The following PHB1 variants were observed in gnomAD, a reference collection of about 807,000 sequenced individuals.
PHB1 encodes the protein epididymis luminal protein 215.
At chr17:49,412,561 G>A in the PHB1 span, 2 of 152,686 alleles carry the variant, frequency 1.3e-5, no homozygotes, top group African/African-American at 4.8e-5. Context: ...TTTGCAGCAT[G>A]TGAAAGTGTC....
chr17:49,404,923 G>C, the PHB1 span: 1 of 1,037,294 alleles, frequency 9.6e-7, no homozygotes, highest in African/African-American at 1.6e-5. Flanking sequence ...GGAGCAGAAG[G>C]AAGGCTGTGT....
the PHB1 span, chr17:49,406,943 C>T: frequency 1.1e-6 from 1 of 881,290 alleles, no homozygotes; most frequent in Non-Finnish European, 1.9e-6. Flanking sequence ...GAAGAAGAGG[C>T]CAGCAATGGC....
At chr17:49,410,292 G>A in the PHB1 span, among the ~76,000 whole-genome samples, 24 of 152,204 alleles carry the variant, frequency 1.6e-4, no homozygotes, top group East Asian at 3.9e-3. Context: ...TAGCTGACAC[G>A]CACCACTGTG....
At chr17:49,410,992 A>C in the PHB1 span, among the ~76,000 whole-genome samples, 1 of 152,168 alleles carries the variant, frequency 6.6e-6, no homozygotes, top group African/African-American at 2.4e-5. Context: ...CGGCTTGCTT[A>C]CAGATGTCAA....
chr17:49,404,825 G>T, the PHB1 span: 1 of 607,794 alleles, frequency 1.6e-6, no homozygotes, highest in Non-Finnish European at 2.9e-6. Context: ...AGTTTCATTT[G>T]ATAGACTAAT....
At chr17:49,413,514 T>C in the PHB1 span, among the ~76,000 whole-genome samples, 1 of 147,992 alleles carries the variant, frequency 6.8e-6, no homozygotes, top group African/African-American at 2.5e-5. Context: ...TTTCTTTCCT[T>C]TTTTTTTTTT....
the PHB1 span, chr17:49,404,288 A>C: frequency 6.5e-6 from 1 of 152,704 alleles, no homozygotes; most frequent in Non-Finnish European, 1.5e-5. Flanking sequence ...AGTCTTCAAC[A>C]GGACTCACAT....
At chr17:49,414,151 G>A in the PHB1 span, 1 of 152,198 alleles carries the variant, frequency 6.6e-6, no homozygotes, top group Non-Finnish European at 1.5e-5. Flanking sequence ...GAGGCACACA[G>A]AGAGGTTACA....
chr17:49,412,137 A>G, the PHB1 span: 2 of 282,634 alleles, frequency 7.1e-6, no homozygotes, highest in African/African-American at 4.3e-5. Flanking sequence ...ACTCCCACCA[A>G]CATATTTCCA....
At chr17:49,411,304 A>G in the PHB1 span, among the ~76,000 whole-genome samples, 1 of 150,894 alleles carries the variant, frequency 6.6e-6, no homozygotes, top group African/African-American at 2.4e-5. Context: ...AGGCTCAAGC[A>G]ATTCTCCTGC....
At chr17:49,404,951 G>A in the PHB1 span, 1 of 1,343,854 alleles carries the variant, frequency 7.4e-7, no homozygotes. Context: ...CATCGGGGCT[G>A]TGGCCCAGTC....
At chr17:49,408,712 T>C in the PHB1 span, 1 of 227,478 alleles carries the variant, frequency 4.4e-6, no homozygotes, top group Admixed American at 5.1e-5. Flanking sequence ...CTCTGGTCTC[T>C]ACCAGGCAGT....
the PHB1 span, chr17:49,406,859 G>C: frequency 1.2e-6 from 2 of 1,605,988 alleles, no homozygotes; most frequent in Middle Eastern, 3.3e-4. Flanking sequence ...ATGTGTCTAA[G>C]GGGAGAGAGT....
the PHB1 span, among the ~76,000 whole-genome samples, chr17:49,405,814 TAAGG>T: frequency 6.6e-6 from 1 of 152,088 alleles, no homozygotes. Flanking sequence ...TCGGGATGGC[TAAGG>T]AAGAGCAGCA....
At chr17:49,407,078 C>A in the PHB1 span, 4 of 552,650 alleles carry the variant, frequency 7.2e-6, no homozygotes, top group Middle Eastern at 4.8e-4. Context: ...CTGTCACTCT[C>A]AGTACAGTGA....
the PHB1 span, chr17:49,409,198 A>G: frequency 1.3e-6 from 2 of 1,581,194 alleles, no homozygotes; most frequent in African/African-American, 2.7e-5. Flanking sequence ...GGTCAGGTTA[A>G]TGAGGAAGCA....
At chr17:49,406,956 T>C in the PHB1 span, 1 of 810,468 alleles carries the variant, frequency 1.2e-6, no homozygotes, top group South Asian at 1.4e-5. Context: ...GCAATGGCTC[T>C]AGCAGCTGGA....
At chr17:49,409,669 G>C in the PHB1 span, among the ~76,000 whole-genome samples, 1 of 151,382 alleles carries the variant, frequency 6.6e-6, no homozygotes, top group South Asian at 2.1e-4. Context: ...AGCCTCCTGA[G>C]TAGCTGGGAT....
the PHB1 span, chr17:49,411,664 T>C: frequency 2.6e-5 from 42 of 1,612,112 alleles, no homozygotes; most frequent in Non-Finnish European, 3.0e-5. Context: ...ACCTGAACCA[T>C]AGGCAAGACT....
Sources: gnomAD v4.1 joint callset for allele counts (sites outside exome capture counted in the v4.1 genomes callset) on GRCh38, gnomAD v4.1.1 for gene constraint, MANE v1.5 for transcripts, NCBI Gene and HGNC (gene_info 2026-07-23, HGNC 2026-07-21) for gene names.